Variants in EEF1AKMT2 observed in about 807,000 individuals in gnomAD.
EEF1AKMT2 encodes the protein EEF1A lysine methyltransferase 2, also known as eukaryotic translation elongation factor 1 alpha lysine methyltransferase 2.
In EEF1AKMT2, 32 loss-of-function variants were observed where a neutral mutation model predicts 35.8. That is an observed-to-expected ratio of 0.89 (90% CI 0.67 to 1.20). EEF1AKMT2 has a LOEUF of 1.20. Among genes scored for constraint, EEF1AKMT2 ranks in the 50% most tolerant of loss-of-function variants. The pLI, the probability that EEF1AKMT2 is intolerant of heterozygous loss-of-function variation, is 0.00. For synonymous variants in EEF1AKMT2, 121 were observed against 133.7 expected (o/e 0.91, Z 0.65); for missense variants, 330 against 347.5 (o/e 0.95, Z 0.40).
intron 3 of EEF1AKMT2, among the ~76,000 whole-genome samples, chr10:124,788,423 C>G (rs946720307): frequency 1.3e-5 from 2 of 152,070 alleles, no homozygotes; most frequent in African/African-American, 4.8e-5. Flanking sequence ...TTGCCAATGC[C>G]AAACATGAGG....
At position 124,769,233 on chromosome 10, in the gene EEF1AKMT2, A is replaced by AT. The variant is rs1554917156; in HGVS notation, c.400-3626_400-3625insA. Among the ~76,000 whole-genome samples, 6 of 13,320 alleles carry AT rather than the reference A, an allele frequency of 4.5e-4. 1 individual carries two copies. The highest frequency in any genetic ancestry group is 2.6e-3 in the Non-Finnish European group (1 of 390). The allele number at this position is 13,320 out of a possible 152,430, so 8.7% of individuals were successfully genotyped here. Reference sequence around the variant, plus strand: ...ACACTGTCTCCAAAAAAAAAAAAAAAATATATATATATATATGTGTGTATA... The same window carrying AT: ...ACACTGTCTCCAAAAAAAAAAAAAAATATATATATATATATATGTGTGTATA... On this transcript the variant is annotated intron_variant, in intron 4 of 6. Coordinates refer to ENST00000368836, the MANE Select transcript of EEF1AKMT2 (RefSeq NM_212554.4).
chr10:124,765,115 C>G (rs1564900426), intron 5 of EEF1AKMT2, among the ~76,000 whole-genome samples: 2 of 152,136 alleles, frequency 1.3e-5, no homozygotes, highest in African/African-American at 2.4e-5. Flanking sequence ...ATTGCCCAGG[C>G]TGAGAACTTA....
At chr10:124,775,091 G>A (rs1354876588) in intron 3 of EEF1AKMT2, among the ~76,000 whole-genome samples, 2 of 152,048 alleles carry the variant, frequency 1.3e-5, no homozygotes, top group Non-Finnish European at 2.9e-5. Flanking sequence ...TTTTGATGCT[G>A]ATAATTTCCA....
chr10:124,762,017 A>C (rs1950335723), intron 6 of EEF1AKMT2, among the ~76,000 whole-genome samples: 2 of 152,174 alleles, frequency 1.3e-5, no homozygotes, highest in Non-Finnish European at 2.9e-5. Context: ...TTCTTGAGGC[A>C]GGGGTGGGGT....
chr10:124,757,703 G>A (rs1190674194), downstream of EEF1AKMT2: 1 of 151,240 alleles, frequency 6.6e-6, no homozygotes, highest in Admixed American at 6.6e-5. Flanking sequence ...TATATACTTA[G>A]CTCCCTTATT....
chr10:124,783,819 A>ATTATT lies in EEF1AKMT2; in HGVS notation c.291+5219_291+5223dup, dbSNP rs1310461072. 1.7e-4 allele frequency among the ~76,000 whole-genome samples: 26 copies of ATTATT among 151,376 alleles called. No homozygotes were observed. The East Asian group carries it at 4.1e-3, about 24-fold the overall frequency. Reference sequence around the variant, plus strand: ...CTTGCCACCAACCAAACCTGGCTAAATTATTTTATTTTATTTTATTTTGAG... The same window carrying ATTATT: ...CTTGCCACCAACCAAACCTGGCTAAATTATTTTATTTTATTTTATTTTATTTTGAG... On this transcript the variant is annotated intron_variant, in intron 3 of 6. Transcript: ENST00000368836.
chr10:124,772,519 C>G (rs1384543800), intron 4 of EEF1AKMT2, among the ~76,000 whole-genome samples: 3 of 148,486 alleles, frequency 2.0e-5, no homozygotes, highest in Non-Finnish European at 3.0e-5. Context: ...ACCTCTGCTT[C>G]CCAGGTTCAA....
intron 3 of EEF1AKMT2, among the ~76,000 whole-genome samples, chr10:124,787,372 G>A (rs1243744619): frequency 7.1e-6 from 1 of 140,736 alleles, no homozygotes; most frequent in South Asian, 2.3e-4. Context: ...GGTGAAGGTT[G>A]CAGTGAGCCA....
rs146577563 is a variant in EEF1AKMT2, at chr10:124,788,710, T to TTATA, written c.291+329_291+332dup. Among the ~76,000 whole-genome samples, 834 of 92,568 alleles carry TTATA rather than the reference T, an allele frequency of 9.0e-3. 45 individuals are homozygous for TTATA. Among genetic ancestry groups the TTATA allele is most frequent in the African/African-American group, 0.021 (619 of 29,726 alleles). The allele number at this position is 92,568 out of a possible 152,430, so 60.7% of individuals were successfully genotyped here. A position where few individuals can be genotyped will look rare whatever the true frequency, so the allele number is the denominator to read the frequency against. ...CTACTGGAATTGCAAAAGGTCATCT[T>TTATA]TATATATATATATATATATGCATTT... On this transcript the variant is annotated intron_variant, in intron 3 of 6. Coordinates refer to ENST00000368836, the MANE Select transcript of EEF1AKMT2 (RefSeq NM_212554.4).
chr10:124,782,668 C>T (rs1407980273), intron 3 of EEF1AKMT2, among the ~76,000 whole-genome samples: 12 of 150,022 alleles, frequency 8.0e-5, no homozygotes, highest in East Asian at 3.9e-4. Flanking sequence ...AAAAAGTAGC[C>T]GTGTGTGGTG....
At position 124,762,291 on chromosome 10, in the gene EEF1AKMT2, G is replaced by A; in HGVS notation, c.875+9C>T. 6 of 1,064,142 alleles carry A rather than the reference G, an allele frequency of 5.6e-6. No individual in the cohort carries two copies. The highest frequency in any genetic ancestry group is 7.0e-6 in the Non-Finnish European group (6 of 859,838). 65.9% of individuals were successfully genotyped at this position (1,064,142 alleles called of 1,614,324 possible). On this transcript the variant is annotated intron_variant, in intron 6 of 6. Transcript: ENST00000368836. ...TTTAAAAAATAAATAAAGCTGGAAG[G>A]TCACTTACTAAAATGCCAACGAGGG...
At chr10:124,774,934 G>T in intron 3 of EEF1AKMT2, 152 bp from the exon 4 acceptor site, 1 of 324,522 alleles carries the variant, frequency 3.1e-6, no homozygotes, top group Non-Finnish European at 5.6e-6. Context: ...TTTTATTGTA[G>T]ACTCTAAATA....
intron 4 of EEF1AKMT2, among the ~76,000 whole-genome samples, chr10:124,769,218 C>CACAAAAAAAAAA (rs754443902): frequency 0.03 from 928 of 31,280 alleles, 401 homozygotes; most frequent in Middle Eastern, 0.071. Context: ...ACACTGTCTC[C>CACAAAAAAAAAA]AAAAAAAAAA....
rs747896074 is a variant in EEF1AKMT2, at chr10:124,774,793, A to G, written c.292-11T>C. The G allele has an allele frequency of 1.6e-6, 2 of 1,259,106 alleles. No individual in the cohort carries two copies. Among genetic ancestry groups the G allele is most frequent in the Non-Finnish European group, 1.1e-6 (1 of 934,362 alleles). 78.0% of individuals were successfully genotyped at this position (1,259,106 alleles called of 1,614,324 possible). On this transcript the variant is annotated splice_polypyrimidine_tract_variant and intron_variant, in intron 3 of 6. Coordinates refer to ENST00000368836, the MANE Select transcript of EEF1AKMT2 (RefSeq NM_212554.4). ...GAAACCAAATTTTGCCTAGAGAGAAATAATTTTATACTTTAGTATAAAATT... is the reference window on the plus strand; with the variant it reads ...GAAACCAAATTTTGCCTAGAGAGAAGTAATTTTATACTTTAGTATAAAATT...
intron 4 of EEF1AKMT2, among the ~76,000 whole-genome samples, chr10:124,766,042 G>C (rs569671410): frequency 1.6e-4 from 25 of 152,238 alleles, no homozygotes; most frequent in African/African-American, 5.8e-4. Context: ...TGTTGCCCGG[G>C]ATAGACTTGA....
intron 3 of EEF1AKMT2, among the ~76,000 whole-genome samples, chr10:124,782,357 A>C (rs963969277): frequency 1.3e-5 from 2 of 151,710 alleles, no homozygotes; most frequent in Non-Finnish European, 2.9e-5. Context: ...CCGAGGCGGG[A>C]GGATCACGAG....
At chr10:124,764,315 AAAAAC>A (rs1348602294) in intron 5 of EEF1AKMT2, among the ~76,000 whole-genome samples, 8 of 152,180 alleles carry the variant, frequency 5.3e-5, no homozygotes, top group Non-Finnish European at 1.0e-4. Flanking sequence ...AAAAAAAAAA[AAAAAC>A]AAACTAATCT....
chr10:124,771,587 C>T (rs947608748), intron 4 of EEF1AKMT2, among the ~76,000 whole-genome samples: 21 of 151,736 alleles, frequency 1.4e-4, no homozygotes, highest in Non-Finnish European at 7.4e-5. Context: ...CAAGATTAAT[C>T]GGCTGGGCAT....
chr10:124,789,698 C>T (rs1456794799), intron 2 of EEF1AKMT2, among the ~76,000 whole-genome samples: 4 of 148,214 alleles, frequency 2.7e-5, no homozygotes, highest in Admixed American at 1.4e-4. Flanking sequence ...CAGGATGTAA[C>T]GAGTTATGAT....
Sources: allele counts gnomAD v4.1 joint callset (sites outside exome capture counted in the v4.1 genomes callset), GRCh38; gene constraint gnomAD v4.1.1; transcripts MANE v1.5; gene names NCBI Gene and HGNC (gene_info 2026-07-23, HGNC 2026-07-21).